The following GANC variants were observed in gnomAD, a reference collection of about 807,000 sequenced individuals.
The protein encoded by GANC is neutral alpha-glucosidase C.
A neutral mutation model predicts 124.2 loss-of-function variants in GANC; 117 were observed. The observed-to-expected ratio is 0.94, with a 90% CI of 0.81 to 1.10. The LOEUF (loss-of-function observed/expected upper bound fraction) is 1.10. Ranked by LOEUF, GANC falls within the 50% of genes least tolerant of loss-of-function variation. GANC has a pLI of 0.00. For missense variants in GANC, 1,140 were observed against 1,095.0 expected (o/e 1.04, Z -0.58); for synonymous variants, 377 against 376.8 (o/e 1.00, Z -0.01).
At position 42,278,569 on chromosome 15, in the gene GANC, A is replaced by C. The variant is rs754391623; in HGVS notation, c.180A>C (p.Gln60His). 3.7e-6 allele frequency: 6 copies of C among 1,611,172 alleles called. No homozygotes were observed. The African/African-American group carries it at 8.0e-5, about 22-fold the overall frequency. ...CAGATGAAGACAGCACCAGGTTCCAAATCATCAATGAAGCAAGTAAGGTGA... is the reference window on the plus strand; with the variant it reads ...CAGATGAAGACAGCACCAGGTTCCACATCATCAATGAAGCAAGTAAGGTGA... ...VTTDEDSTRF[Q>H]IINEASKVPL... The change falls in exon 3 of 24, where the codon CAA becomes CAC. Residue 60 changes from glutamine (Q) to histidine (H), a missense_variant. Transcript: ENST00000318010.
intron 5 of GANC, 78 bp downstream of exon 5, chr15:42,292,995 C>T: frequency 7.6e-7 from 1 of 1,322,752 alleles, no homozygotes; most frequent in Non-Finnish European, 1.0e-6. Flanking sequence ...AAATAGATAA[C>T]ATAGCACCAT....
In GANC at chr15:42,310,282, G is replaced by T; in HGVS notation, c.723-1G>T. 3 of 1,579,542 alleles carry T rather than the reference G, an allele frequency of 1.9e-6. No individual in the cohort carries two copies. The highest frequency in any genetic ancestry group is 2.6e-6 in the Non-Finnish European group (3 of 1,160,532). On this transcript the variant is annotated splice_acceptor_variant, in intron 8 of 23. Coordinates refer to ENST00000318010, the MANE Select transcript of GANC (RefSeq NM_198141.3). LOFTEE classifies it high-confidence loss of function. ...AATTGATGATAATCTTTGTGTTTCA[G>T]TGATGGAGATGCTTACCGTCTTTAT...
chr15:42,340,694 C>T lies in GANC; in HGVS notation c.2092C>T (p.Leu698=). The T allele has an allele frequency of 6.2e-7, 1 of 1,604,014 alleles. No individual in the cohort carries two copies. The highest frequency in any genetic ancestry group is 8.5e-7 in the Non-Finnish European group (1 of 1,177,418). ...HVASQPVMRP[L]WVEFPDELKT... is the part of the protein sequence containing the mutation. Reference sequence around the variant, plus strand: ...TAATTTTTTTTCTTTCCCCAGGCCTCTGTGGGTAGAGTTCCCTGATGAACT... The same window carrying T: ...TAATTTTTTTTCTTTCCCCAGGCCTTTGTGGGTAGAGTTCCCTGATGAACT... Residue 698 remains leucine (L), a synonymous_variant, in exon 18 of 24, where the codon CTG becomes TTG. Coordinates refer to ENST00000318010, the MANE Select transcript of GANC (RefSeq NM_198141.3).
At chr15:42,341,417 A>G (rs568923785) in intron 18 of GANC, among the ~76,000 whole-genome samples, 2 of 152,330 alleles carry the variant, frequency 1.3e-5, no homozygotes, top group African/African-American at 4.8e-5. Flanking sequence ...TTTCATATGC[A>G]ATAATAGGGT....
At chr15:42,306,055 C>CT (rs1286774933) in intron 6 of GANC, among the ~76,000 whole-genome samples, 1 of 148,052 alleles carries the variant, frequency 6.8e-6, no homozygotes, top group Non-Finnish European at 1.5e-5. Context: ...GAGACAGAGT[C>CT]TCGCTGTGTC....
At chr15:42,309,481 A>G (rs1012003191) in intron 8 of GANC, among the ~76,000 whole-genome samples, 1 of 151,872 alleles carries the variant, frequency 6.6e-6, no homozygotes, top group Non-Finnish European at 1.5e-5. Flanking sequence ...CACTACGCCC[A>G]GCTAATTTTT....
intron 6 of GANC, among the ~76,000 whole-genome samples, chr15:42,298,183 G>T (rs2051909863): frequency 6.6e-6 from 1 of 152,168 alleles, no homozygotes; most frequent in African/African-American, 2.4e-5. Context: ...GTTCCAGGTA[G>T]AGGGAACTGC....
At chr15:42,294,438 A>T (rs12901960) in intron 5 of GANC, among the ~76,000 whole-genome samples, 1 of 151,066 alleles carries the variant, frequency 6.6e-6, no homozygotes, top group African/African-American at 2.5e-5. Flanking sequence ...AGCCAGGTAT[A>T]GTGGCACATG....
chr15:42,279,772 GATA>G, intron 3 of GANC, among the ~76,000 whole-genome samples: 1 of 152,154 alleles, frequency 6.6e-6, no homozygotes, highest in Non-Finnish European at 1.5e-5. Flanking sequence ...TAACTGCTTG[GATA>G]ATAACGGCAC....
chr15:42,292,610 G>A, intron 4 of GANC, 125 bp from the exon 5 acceptor site: 2 of 906,822 alleles, frequency 2.2e-6, no homozygotes, highest in South Asian at 2.0e-5. Flanking sequence ...ACTTTTCTCT[G>A]TTGCCTTATC....
chr15:42,310,884 A>G (rs939235459), intron 10 of GANC, 38 bp downstream of exon 10: 5 of 1,595,342 alleles, frequency 3.1e-6, no homozygotes, highest in Non-Finnish European at 4.3e-6. Flanking sequence ...TTGTTCTGTT[A>G]CATATCCAAT....
At chr15:42,340,654 A>T in intron 17 of GANC, 36 bp from the exon 18 acceptor site, 2 of 1,473,808 alleles carry the variant, frequency 1.4e-6, no homozygotes, top group Non-Finnish European at 1.9e-6. Context: ...TAAGATGTCT[A>T]TAATGTTAAA....
At chr15:42,312,740 A>T (rs2052063895) in intron 10 of GANC, among the ~76,000 whole-genome samples, 1 of 152,114 alleles carries the variant, frequency 6.6e-6, no homozygotes. Context: ...GGAGTTTGAG[A>T]CCAGCCTGAC....
intron 17 of GANC, 70 bp from the exon 18 acceptor site, chr15:42,340,619 TA>T: frequency 9.8e-7 from 1 of 1,015,734 alleles, no homozygotes; most frequent in Non-Finnish European, 1.4e-6. Flanking sequence ...AAAAAAAAAC[TA>T]AAAATATAAG....
intron 6 of GANC, among the ~76,000 whole-genome samples, chr15:42,304,310 A>T (rs2051973555): frequency 6.6e-6 from 1 of 152,230 alleles, no homozygotes; most frequent in South Asian, 2.1e-4. Context: ...GAAACCAATG[A>T]GAACAAAAAC....
chr15:42,311,047 T>C (rs1054384337), intron 10 of GANC, among the ~76,000 whole-genome samples: 9 of 152,256 alleles, frequency 5.9e-5, no homozygotes, highest in African/African-American at 2.2e-4. Flanking sequence ...TGCTCTACTG[T>C]CTAGTTCCTA....
rs1428489393 is a variant in GANC at position 42,274,384 on chromosome 15, G to T, written c.-98G>T. 8 of 1,261,532 alleles carry T rather than the reference G, an allele frequency of 6.3e-6. No individual in the cohort carries two copies. Among genetic ancestry groups the T allele is most frequent in the Non-Finnish European group, 9.0e-6 (8 of 887,210 alleles). The allele number at this position is 1,261,532 out of a possible 1,614,324, so 78.1% of individuals were successfully genotyped here. On this transcript the variant is annotated 5_prime_UTR_variant, in exon 1 of 24. Transcript: ENST00000318010. ...CCCAGAAACTTGACGATGAAGTACT[G>T]GTTGTAATTTTAGAAAGACACCCAA...
rs748564235 is a variant in GANC at position 42,278,519 on chromosome 15, C to T, written c.130C>T (p.Gln44Ter). 6.2e-6 allele frequency: 10 copies of T among 1,612,144 alleles called. No homozygotes were observed. The highest frequency in any genetic ancestry group is 7.6e-6 in the Non-Finnish European group (9 of 1,179,098). ...KQWLSKKSTY[Q>*]ALLDSVTTDE... ...GTGGCTTTCCAAGAAGTCCACCTAT[C>T]AGGCATTATTGGATTCAGTCACAAC... Residue 44 changes from glutamine (Q) to a stop codon, truncating the protein, a stop_gained, in exon 3 of 24, where the codon CAG (glutamine) becomes TAG (stop). Coordinates refer to ENST00000318010, the MANE Select transcript of GANC (RefSeq NM_198141.3). LOFTEE classifies it high-confidence loss of function.
chr15:42,339,699 A>G lies in GANC; in HGVS notation c.1874A>G (p.Glu625Gly). Residue 625 changes from glutamate to glycine, a missense_variant, in exon 17 of 24, where the codon GAG becomes GGG. Physicochemically the swap from Glu to Gly is moderately conservative, Grantham distance 98. Coordinates refer to ENST00000318010, the MANE Select transcript of GANC (RefSeq NM_198141.3). ...ATAGGCGGGTTCATTGGGAATCCAGAGACAGAGCTGCTAGTGCGTTGGTAC... is the reference window on the plus strand; with the variant it reads ...ATAGGCGGGTTCATTGGGAATCCAGGGACAGAGCTGCTAGTGCGTTGGTAC... ...ADIGGFIGNP[E>G]TELLVRWYQA... 2 of 1,614,072 alleles carry G rather than the reference A, an allele frequency of 1.2e-6. No individual in the cohort carries two copies. The highest frequency in any genetic ancestry group is 1.7e-6 in the Non-Finnish European group (2 of 1,179,934).
Sources: allele counts gnomAD v4.1 joint callset (sites outside exome capture counted in the v4.1 genomes callset), GRCh38; gene constraint gnomAD v4.1.1; transcripts MANE v1.5; gene names NCBI Gene and HGNC (gene_info 2026-07-23, HGNC 2026-07-21).